GNB3: variants seen among roughly 807,000 people sequenced by gnomAD.
GNB3 encodes the protein G protein subunit beta 3.
A neutral mutation model predicts 41.2 loss-of-function variants in GNB3; 33 were observed. That is an observed-to-expected ratio of 0.80 (90% CI 0.61 to 1.07). The LOEUF (loss-of-function observed/expected upper bound fraction) is 1.07, where lower values mean the gene tolerates loss of function less well. Ranked by LOEUF, GNB3 falls within the 50% of genes least tolerant of loss-of-function variation. GNB3 has a pLI of 0.00. For missense variants in GNB3, 409 were observed against 455.3 expected (o/e 0.90, Z 0.92); for synonymous variants, 172 against 173.4 (o/e 0.99, Z 0.06).
intron 8 of GNB3, chr12:6,845,340 C>T: frequency 2.0e-6 from 1 of 497,108 alleles, no homozygotes; most frequent in Non-Finnish European, 3.6e-6. Flanking sequence ...GTGCTCTTGC[C>T]TGCGACGTGG....
chr12:6,841,429 C>A, intron 2 of GNB3, 85 bp downstream of exon 2: 2 of 1,303,992 alleles, frequency 1.5e-6, no homozygotes, highest in Non-Finnish European at 1.1e-6. Context: ...GCTGGGTTTG[C>A]TCTTGAGTGA....
In GNB3 at chr12:6,843,235, A is replaced by T. The variant is rs1182992805; in HGVS notation, c.265A>T (p.Lys89Ter). The change falls in exon 5 of 10, where the codon AAG becomes TAG. Residue 89 changes from lysine to a stop codon, truncating the protein, a stop_gained and splice_region_variant. Transcript: ENST00000229264. LOFTEE classifies it high-confidence loss of function. The surrounding 1 kb of genome is among the most constrained non-coding windows in gnomAD (Gnocchi z 5.9). ...CGTGTGGGACAGCTACACCACCAAC[A>T]AGGTACCAGCCCTGCCTCCCTGAGC... ...LIVWDSYTTN[K>*]VHAIPLRSSW... 2 of 1,613,606 alleles carry T rather than the reference A, an allele frequency of 1.2e-6. No homozygotes were observed. The highest frequency in any genetic ancestry group is 2.7e-5 in the African/African-American group (2 of 74,844).
rs782571845 is a variant in GNB3 at position 6,843,329 on chromosome 12, G to A, written c.268-34G>A. ...TGTGCCCAGCTGGGAGCTTGGCTCC[G>A]GTCCCATCTCTGCTCAAACCACCCT... is the stretch of plus-strand genomic sequence containing the variant. On this transcript the variant is annotated intron_variant, in intron 5 of 9. Transcript: ENST00000229264. This position sits in a 1 kb window ranked among gnomAD's most constrained non-coding sequence, Gnocchi z 5.9. The A allele has an allele frequency of 1.7e-5, 27 of 1,612,784 alleles. No homozygotes were observed. The highest frequency in any genetic ancestry group is 2.2e-5 in the East Asian group (1 of 44,872).
At position 6,846,804 on chromosome 12, in the gene GNB3, G is replaced by A; in HGVS notation, c.929G>A (p.Gly310Asp). The change falls in exon 10 of 10, where the codon GGC becomes GAC. Residue 310 changes from glycine (G) to aspartate (D), a missense_variant. Physicochemically the swap from Gly to Asp is moderately conservative, Grantham distance 94. Coordinates refer to ENST00000229264, the MANE Select transcript of GNB3 (RefSeq NM_002075.4). The part of the protein sequence containing the change: ...MKSERVGILS[G>D]HDNRVSCLGV... ...CCCTCTTCCTCAGGCATCCTCTCTG[G>A]CCACGATAACAGGGTGAGCTGCCTG... 1.3e-6 allele frequency: 2 copies of A among 1,592,462 alleles called. No homozygotes were observed. Among genetic ancestry groups the A allele is most frequent in the East Asian group, 2.3e-5 (1 of 44,372 alleles).
chr12:6,846,980 T>G lies in GNB3; in HGVS notation c.*82T>G. ...GACCCCATCTCATTCAGGTGTTCTCTTCTATATTCCGGGTGCCATTCCCAC... is the reference window on the plus strand; with the variant it reads ...GACCCCATCTCATTCAGGTGTTCTCGTCTATATTCCGGGTGCCATTCCCAC... On this transcript the variant is annotated 3_prime_UTR_variant, in exon 10 of 10. Coordinates refer to ENST00000229264, the MANE Select transcript of GNB3 (RefSeq NM_002075.4). 1 of 787,878 alleles carries G rather than the reference T, an allele frequency of 1.3e-6. No homozygotes were observed. Among genetic ancestry groups the G allele is most frequent in the Non-Finnish European group, 2.2e-6 (1 of 461,862 alleles). 48.8% of individuals were successfully genotyped at this position (787,878 alleles called of 1,614,324 possible).
In GNB3 at chr12:6,847,354, C is replaced by G. The variant is rs1456429639; in HGVS notation, c.*456C>G. On this transcript the variant is annotated 3_prime_UTR_variant, in exon 10 of 10. Coordinates refer to ENST00000229264, the MANE Select transcript of GNB3 (RefSeq NM_002075.4). ...CTTTCTCCTTTTTCTACCTTTTTTTCTCTCCTAAGACACCTGCAATAAAGT... is the reference window on the plus strand; with the variant it reads ...CTTTCTCCTTTTTCTACCTTTTTTTGTCTCCTAAGACACCTGCAATAAAGT... 1 of 173,038 alleles carries G rather than the reference C, an allele frequency of 5.8e-6. No homozygotes were observed. 10.7% of individuals were successfully genotyped at this position (173,038 alleles called of 1,614,324 possible).
At position 6,843,420 on chromosome 12, in the gene GNB3, G is replaced by C. The variant is rs1555123821; in HGVS notation, c.325G>C (p.Gly109Arg). Residue 109 changes from glycine (G) to arginine (R), a missense_variant, in exon 6 of 10, where the codon GGG becomes CGG. Coordinates refer to ENST00000229264, the MANE Select transcript of GNB3 (RefSeq NM_002075.4). This position sits in a 1 kb window ranked among gnomAD's most constrained non-coding sequence, Gnocchi z 5.9. ...CATGACCTGTGCCTATGCCCCATCA[G>C]GGAACTTTGTGGCATGTGGGGGGCT... ...WVMTCAYAPSGNFVACGGLDN... is the reference protein window; with the variant it reads ...WVMTCAYAPSRNFVACGGLDN... The C allele has an allele frequency of 6.2e-7, 1 of 1,614,118 alleles. No individual in the cohort carries two copies. The highest frequency in any genetic ancestry group is 1.1e-5 in the South Asian group (1 of 91,086).
At chr12:6,846,713 A>C (rs1327627737) in intron 9 of GNB3, 79 bp from the exon 10 acceptor site, 6 of 734,396 alleles carry the variant, frequency 8.2e-6, no homozygotes, top group Admixed American at 6.4e-5. Context: ...ACACACCCAC[A>C]CATACACTTA....
At position 6,841,595 on chromosome 12, in the gene GNB3, A is replaced by G. The variant is rs1943575014; in HGVS notation, c.67A>G (p.Lys23Glu). Residue 23 changes from lysine (K) to glutamate (E), a missense_variant, in exon 3 of 10, where the codon AAA becomes GAA. Lys to Glu is a moderately conservative substitution (Grantham distance 56). Transcript: ENST00000229264. ...QLKKQIADAR[K>E]ACADVTLAEL... ...TCTGCTTTCCCTGCAGGATGCCAGG[A>G]AAGCCTGTGCTGACGTTACTCTGGC... 1.2e-6 allele frequency: 2 copies of G among 1,613,630 alleles called. No individual in the cohort carries two copies. The highest frequency in any genetic ancestry group is 1.3e-5 in the African/African-American group (1 of 75,028).
chr12:6,843,132 G>C lies in GNB3; in HGVS notation c.204-42G>C, dbSNP rs782385347. ...GGGTGAGAGCGGGAGTGAGGAAGGC[G>C]GGAAGGGGAGGCTTGCATGATATGG... On this transcript the variant is annotated intron_variant, in intron 4 of 9. Transcript: ENST00000229264. The surrounding 1 kb of genome is among the most constrained non-coding windows in gnomAD (Gnocchi z 5.9). 6.2e-7 allele frequency: 1 copy of C among 1,606,916 alleles called. No homozygotes were observed. The highest frequency in any genetic ancestry group is 8.5e-7 in the Non-Finnish European group (1 of 1,173,514).
Position 6,843,024 on chromosome 12 carries a change from T to G in GNB3, c.151T>G (p.Leu51Val). 6.3e-7 allele frequency: 1 copy of G among 1,575,018 alleles called. No homozygotes were observed. The highest frequency in any genetic ancestry group is 8.7e-7 in the Non-Finnish European group (1 of 1,155,372). ...GRVQMRTRRT[L>V]RGHLAKIYAM... ...AGTCCAGATGCGGACGCGGCGGACG[T>G]TAAGGGGACACCTGGCCAAGATTTA... Residue 51 changes from leucine (L) to valine (V), a missense_variant, in exon 4 of 10, where the codon TTA (leucine) becomes GTA (valine). Physicochemically the swap from Leu to Val is conservative, Grantham distance 32. Transcript: ENST00000229264. This position sits in a 1 kb window ranked among gnomAD's most constrained non-coding sequence, Gnocchi z 5.9.
chr12:6,843,246 C>T lies in GNB3; in HGVS notation c.267+9C>T. ...GCTACACCACCAACAAGGTACCAGC[C>T]CTGCCTCCCTGAGCCTCCACCACTG... On this transcript the variant is annotated intron_variant, in intron 5 of 9. Coordinates refer to ENST00000229264, the MANE Select transcript of GNB3 (RefSeq NM_002075.4). The surrounding 1 kb of genome is among the most constrained non-coding windows in gnomAD (Gnocchi z 5.9). 6.2e-7 allele frequency: 1 copy of T among 1,613,370 alleles called. No individual in the cohort carries two copies. Among genetic ancestry groups the T allele is most frequent in the East Asian group, 2.2e-5 (1 of 44,878 alleles).
At chr12:6,841,197 C>G (rs189513536) in intron 1 of GNB3, 61 bp from the exon 2 acceptor site, 1 of 1,089,554 alleles carries the variant, frequency 9.2e-7, no homozygotes, top group Non-Finnish European at 1.4e-6. Flanking sequence ...GGTGTGGGCA[C>G]GAAGGGCAGA....
chr12:6,842,591 G>A (rs1461064119), intron 3 of GNB3, among the ~76,000 whole-genome samples: 1 of 152,202 alleles, frequency 6.6e-6, no homozygotes, highest in Non-Finnish European at 1.5e-5. Context: ...CTGCAGCGGT[G>A]GGTGCAAGCA....
At position 6,846,992 on chromosome 12, in the gene GNB3, G is replaced by T; in HGVS notation, c.*94G>T. 1 of 733,996 alleles carries T rather than the reference G, an allele frequency of 1.4e-6. No homozygotes were observed. Among genetic ancestry groups the T allele is most frequent in the East Asian group, 2.7e-5 (1 of 36,906 alleles). 45.5% of individuals were successfully genotyped at this position (733,996 alleles called of 1,614,324 possible). The stretch of plus-strand genomic sequence containing the variant: ...TTCAGGTGTTCTCTTCTATATTCCG[G>T]GTGCCATTCCCACTAAGCTTTCTCC... On this transcript the variant is annotated 3_prime_UTR_variant, in exon 10 of 10. Transcript: ENST00000229264.
chr12:6,846,966 A>C lies in GNB3; in HGVS notation c.*68A>C. ...GCAGCCCCCTGCCCGACCCCATCTC[A>C]TTCAGGTGTTCTCTTCTATATTCCG... On this transcript the variant is annotated 3_prime_UTR_variant, in exon 10 of 10. Transcript: ENST00000229264. The C allele has an allele frequency of 1.3e-5, 11 of 863,746 alleles. No homozygotes were observed. Among genetic ancestry groups the C allele is most frequent in the Non-Finnish European group, 2.1e-5 (11 of 524,486 alleles). The allele number at this position is 863,746 out of a possible 1,614,324, so 53.5% of individuals were successfully genotyped here.
In GNB3 at chr12:6,843,931, T is replaced by A. The variant is rs782433777; in HGVS notation, c.652T>A (p.Cys218Ser). The A allele has an allele frequency of 6.2e-7, 1 of 1,613,928 alleles. No homozygotes were observed. The highest frequency in any genetic ancestry group is 8.5e-7 in the Non-Finnish European group (1 of 1,179,910). ...GCTCTGGGATGTGCGAGAGGGGACC[T>A]GCCGTCAGACTTTCACTGGCCACGA... The part of the protein sequence containing the change: ...AKLWDVREGT[C>S]RQTFTGHESD... The change falls in exon 8 of 10, where the codon TGC becomes AGC. Residue 218 changes from cysteine to serine, a missense_variant. Cys to Ser is a moderately radical substitution (Grantham distance 112). Transcript: ENST00000229264. This position sits in a 1 kb window ranked among gnomAD's most constrained non-coding sequence, Gnocchi z 5.9.
At position 6,841,587 on chromosome 12, in the gene GNB3, A is replaced by G. The variant is rs1344616807; in HGVS notation, c.59A>G (p.Asp20Gly). The G allele has an allele frequency of 2.5e-6, 4 of 1,613,226 alleles. No individual in the cohort carries two copies. Among genetic ancestry groups the G allele is most frequent in the African/African-American group, 1.3e-5 (1 of 74,886 alleles). ...CCCTGATGTCTGCTTTCCCTGCAGG[A>G]TGCCAGGAAAGCCTGTGCTGACGTT... is the stretch of plus-strand genomic sequence containing the variant. ...EAEQLKKQIA[D>G]ARKACADVTL... Residue 20 changes from aspartate (D) to glycine (G), a missense_variant and splice_region_variant, in exon 3 of 10, where the codon GAT (aspartate) becomes GGT (glycine). By Grantham distance (94) the Asp-to-Gly change is moderately conservative (BLOSUM62 -1). Transcript: ENST00000229264.
At position 6,846,781 on chromosome 12, in the gene GNB3, C is replaced by A; in HGVS notation, c.917-11C>A. On this transcript the variant is annotated splice_polypyrimidine_tract_variant and intron_variant, in intron 9 of 9. Coordinates refer to ENST00000229264, the MANE Select transcript of GNB3 (RefSeq NM_002075.4). ...TGGAGAGACAGGCTGACTCCTTTCC[C>A]TCTTCCTCAGGCATCCTCTCTGGCC... The A allele has an allele frequency of 1.3e-6, 2 of 1,531,880 alleles. No individual in the cohort carries two copies. The highest frequency in any genetic ancestry group is 1.8e-6 in the Non-Finnish European group (2 of 1,119,406). 94.9% of individuals were successfully genotyped at this position (1,531,880 alleles called of 1,614,324 possible). A position where few individuals can be genotyped will look rare whatever the true frequency, so the allele number is the denominator to read the frequency against.
Sources: gnomAD v4.1 joint callset for allele counts (sites outside exome capture counted in the v4.1 genomes callset) on GRCh38, gnomAD v4.1.1 for gene constraint, Gnocchi (gnomAD v3.1) non-coding constraint, MANE v1.5 for transcripts, NCBI Gene and HGNC (gene_info 2026-07-23, HGNC 2026-07-21) for gene names.